The following SCAPER variants were observed in gnomAD, a reference collection of about 807,000 sequenced individuals.
SCAPER encodes the protein S-phase cyclin A associated protein in the ER.
In SCAPER, 98 loss-of-function variants were observed where a neutral mutation model predicts 182.2. The observed-to-expected ratio is 0.54, with a 90% CI of 0.46 to 0.64. The LOEUF (loss-of-function observed/expected upper bound fraction) is 0.64. Among genes scored for constraint, SCAPER ranks in the 30% least tolerant of loss-of-function variants. The pLI is 0.00. For synonymous variants in SCAPER, 605 were observed against 564.6 expected (o/e 1.07, Z -1.01); for missense variants, 1,432 against 1,690.0 (o/e 0.85, Z 2.68).
intron 23 of SCAPER, among the ~76,000 whole-genome samples, chr15:76,520,333 C>A (rs1463133453): frequency 6.6e-6 from 1 of 152,188 alleles, no homozygotes; most frequent in African/African-American, 2.4e-5. Context: ...ACCCTCCCAA[C>A]CCAGCCTTCG....
At chr15:76,710,532 T>A (rs975911729) in intron 17 of SCAPER, among the ~76,000 whole-genome samples, 9 of 152,064 alleles carry the variant, frequency 5.9e-5, no homozygotes, top group Non-Finnish European at 1.2e-4. Flanking sequence ...ACAATTCCAT[T>A]TACAGCAGCT....
rs374739911 is a variant in SCAPER at position 76,824,528 on chromosome 15, GA to G, written c.393+17205del. Among the ~76,000 whole-genome samples the G allele has an allele frequency of 8.1e-3, 1,223 of 151,738 alleles. 19 individuals carry two copies. Among genetic ancestry groups the G allele is most frequent in the African/African-American group, 0.028 (1,163 of 41,428 alleles). On this transcript the variant is annotated intron_variant, in intron 5 of 31. Coordinates refer to ENST00000563290, the MANE Select transcript of SCAPER (RefSeq NM_020843.4). ...GTCAGTGACAAAAGGGAACCTTTATGAAAAAAAATGAGCTTTACCAAAATGA... is the reference window on the plus strand; with the variant it reads ...GTCAGTGACAAAAGGGAACCTTTATGAAAAAAATGAGCTTTACCAAAATGA...
At chr15:76,723,405 G>T (rs187490457) in intron 17 of SCAPER, among the ~76,000 whole-genome samples, 1 of 151,936 alleles carries the variant, frequency 6.6e-6, no homozygotes, top group Admixed American at 6.6e-5. Flanking sequence ...AATGTATATT[G>T]TGTTGATTTG....
intron 25 of SCAPER, among the ~76,000 whole-genome samples, chr15:76,434,608 A>C (rs546902639): frequency 6.6e-6 from 1 of 152,356 alleles, no homozygotes; most frequent in South Asian, 2.1e-4. Flanking sequence ...TAAAATGCTT[A>C]GAACATGCAC....
At chr15:76,589,847 C>G (rs1331538655) in intron 22 of SCAPER, among the ~76,000 whole-genome samples, 2 of 152,186 alleles carry the variant, frequency 1.3e-5, no homozygotes, top group African/African-American at 2.4e-5. Flanking sequence ...GCAGAGAGCC[C>G]ACAGGGTTTC....
chr15:76,452,944 C>T (rs993744474), intron 25 of SCAPER, among the ~76,000 whole-genome samples: 5 of 152,084 alleles, frequency 3.3e-5, no homozygotes, highest in African/African-American at 1.2e-4. Context: ...GATCCTTCTA[C>T]TTCAGCCCAG....
chr15:76,643,934 C>T (rs938012111), intron 21 of SCAPER, among the ~76,000 whole-genome samples: 29 of 152,124 alleles, frequency 1.9e-4, no homozygotes, highest in Admixed American at 3.3e-4. Flanking sequence ...AAAATGATTC[C>T]AGATGATTGT....
intron 17 of SCAPER, among the ~76,000 whole-genome samples, chr15:76,714,157 T>C (rs1380956634): frequency 2.6e-5 from 4 of 151,988 alleles, no homozygotes; most frequent in African/African-American, 9.7e-5. Context: ...TCAGTGGCTG[T>C]GTTGGGCTGA....
chr15:76,858,745 A>C (rs1568356055), intron 3 of SCAPER, among the ~76,000 whole-genome samples: 1 of 152,182 alleles, frequency 6.6e-6, no homozygotes. Flanking sequence ...TTCTTGCATT[A>C]GTTCACTTAG....
chr15:76,425,362 C>A (rs939982825), intron 26 of SCAPER, among the ~76,000 whole-genome samples: 2 of 152,146 alleles, frequency 1.3e-5, no homozygotes, highest in Admixed American at 1.3e-4. Context: ...TCATTTCATT[C>A]ATTTGATCTT....
At chr15:76,594,168 T>A (rs2049332227) in intron 22 of SCAPER, among the ~76,000 whole-genome samples, 1 of 118,672 alleles carries the variant, frequency 8.4e-6, no homozygotes, top group South Asian at 2.6e-4. Context: ...ACACGAGAAC[T>A]TCGTGAAGCA....
Position 76,765,426 on chromosome 15 carries a change from G to A in SCAPER, c.1524C>T (p.Ser508=). Residue 508 remains serine (S), a synonymous_variant, in exon 13 of 32, where the codon TCC becomes TCT. Coordinates refer to ENST00000563290, the MANE Select transcript of SCAPER (RefSeq NM_020843.4). Reference sequence around the variant, plus strand: ...GTTCTTCTTCTACAATGTCCCCCCAGGATGTATTTTGGCGCCAAGACTCAC... The same window carrying A: ...GTTCTTCTTCTACAATGTCCCCCCAAGATGTATTTTGGCGCCAAGACTCAC... ...EARESWRQNT[S]WGDIVEEEPA... 2 of 1,613,898 alleles carry A rather than the reference G, an allele frequency of 1.2e-6. No individual in the cohort carries two copies. Among genetic ancestry groups the A allele is most frequent in the Non-Finnish European group, 1.7e-6 (2 of 1,179,848 alleles).
intron 10 of SCAPER, among the ~76,000 whole-genome samples, chr15:76,771,230 T>C (rs556415251): frequency 2.0e-5 from 3 of 152,216 alleles, no homozygotes; most frequent in East Asian, 1.9e-4. Flanking sequence ...GGTAGAAATA[T>C]GTTATCATCC....
intron 14 of SCAPER, among the ~76,000 whole-genome samples, chr15:76,759,210 A>G (rs148665793): frequency 7.3e-4 from 111 of 152,192 alleles, no homozygotes; most frequent in Non-Finnish European, 1.2e-3. Context: ...TTGTTCATAT[A>G]TGGGCGGTCT....
intron 20 of SCAPER, among the ~76,000 whole-genome samples, chr15:76,692,811 A>T (rs1337323422): frequency 1.3e-5 from 2 of 151,966 alleles, no homozygotes; most frequent in African/African-American, 4.8e-5. Context: ...AAAAAAGTCA[A>T]ATAATGGACA....
chr15:76,591,213 G>T (rs766753177), intron 22 of SCAPER, among the ~76,000 whole-genome samples: 7 of 150,528 alleles, frequency 4.7e-5, no homozygotes, highest in Non-Finnish European at 1.0e-4. Flanking sequence ...AAAAATGCAG[G>T]GTCCTTCATT....
chr15:76,444,700 T>C (rs1307098758), intron 25 of SCAPER, among the ~76,000 whole-genome samples: 1 of 152,212 alleles, frequency 6.6e-6, no homozygotes, highest in East Asian at 1.9e-4. Flanking sequence ...TCTACTTCCA[T>C]GAATCTGATG....
chr15:76,553,206 G>A (rs2045921361), intron 23 of SCAPER, among the ~76,000 whole-genome samples: 1 of 152,214 alleles, frequency 6.6e-6, no homozygotes, highest in African/African-American at 2.4e-5. Flanking sequence ...TGAGGCACAG[G>A]CAGTCCACCA....
At chr15:76,673,204 A>G (rs1383633203) in intron 20 of SCAPER, among the ~76,000 whole-genome samples, 4 of 152,102 alleles carry the variant, frequency 2.6e-5, no homozygotes, top group Non-Finnish European at 5.9e-5. Context: ...AGGAATCTAC[A>G]TGATTCCTCA....
Sources: allele counts gnomAD v4.1 joint callset (sites outside exome capture counted in the v4.1 genomes callset), GRCh38; gene constraint gnomAD v4.1.1; transcripts MANE v1.5; gene names NCBI Gene and HGNC (gene_info 2026-07-23, HGNC 2026-07-21).